The following KHDRBS2 variants were observed in gnomAD, a reference collection of about 807,000 sequenced individuals.
KHDRBS2 encodes the protein KH RNA binding domain containing, signal transduction associated 2, also known as KH domain-containing, RNA-binding, signal transduction-associated protein 2.
In KHDRBS2, 26 loss-of-function variants were observed where a neutral mutation model predicts 44.3. The observed-to-expected ratio is 0.59, with a 90% CI of 0.43 to 0.81. KHDRBS2 has a LOEUF of 0.81. Among genes scored for constraint, KHDRBS2 ranks in the 40% least tolerant of loss-of-function variants. KHDRBS2 has a pLI of 0.00. For missense variants in KHDRBS2, 476 were observed against 433.1 expected (o/e 1.10, Z -0.88); for synonymous variants, 194 against 151.1 (o/e 1.28, Z -2.08).
At chr6:62,064,065 A>G (rs1336909280) in intron 2 of KHDRBS2, among the ~76,000 whole-genome samples, 3 of 134,112 alleles carry the variant, frequency 2.2e-5, no homozygotes, top group Admixed American at 1.6e-4. Context: ...TAGGAATCCA[A>G]CTTACAAGGG....
chr6:61,944,020 T>C (rs1317183192), intron 4 of KHDRBS2, among the ~76,000 whole-genome samples: 1 of 152,096 alleles, frequency 6.6e-6, no homozygotes, highest in Admixed American at 6.6e-5. Context: ...AACCCACGAA[T>C]GCTGGTGAGG....
the KHDRBS2 span, among the ~76,000 whole-genome samples, chr6:61,593,365 T>C: frequency 1.3e-5 from 2 of 152,050 alleles, no homozygotes; most frequent in African/African-American, 4.8e-5. Flanking sequence ...CACAGCCAGA[T>C]ACTGGAGGAA....
At chr6:61,598,475 G>A in the KHDRBS2 span, among the ~76,000 whole-genome samples, 11 of 152,264 alleles carry the variant, frequency 7.2e-5, no homozygotes, top group East Asian at 2.1e-3. Context: ...TCAGATGACT[G>A]TCTACTCACA....
the KHDRBS2 span, among the ~76,000 whole-genome samples, chr6:61,643,928 C>T: frequency 6.6e-6 from 1 of 152,138 alleles, no homozygotes; most frequent in Admixed American, 6.6e-5. Flanking sequence ...CTACCAATGA[C>T]ATTCTTCACA....
At chr6:62,120,022 G>A (rs545839289) in intron 2 of KHDRBS2, among the ~76,000 whole-genome samples, 2 of 152,254 alleles carry the variant, frequency 1.3e-5, no homozygotes, top group African/African-American at 4.8e-5. Flanking sequence ...GCATGGGAAT[G>A]GATATTAAGG....
chr6:61,867,397 G>A (rs545221350), intron 6 of KHDRBS2, among the ~76,000 whole-genome samples: 3 of 152,220 alleles, frequency 2.0e-5, no homozygotes, highest in Non-Finnish European at 2.9e-5. Context: ...ACAACATGTG[G>A]GAATTCAAGA....
chr6:62,070,959 G>A (rs1485905797), intron 2 of KHDRBS2, among the ~76,000 whole-genome samples: 1 of 152,176 alleles, frequency 6.6e-6, no homozygotes, highest in Non-Finnish European at 1.5e-5. Context: ...CCCACCAACA[G>A]TGTAAAAGTG....
chr6:62,095,145 T>G (rs753728109), intron 2 of KHDRBS2, among the ~76,000 whole-genome samples: 7 of 151,820 alleles, frequency 4.6e-5, no homozygotes, highest in Non-Finnish European at 8.9e-5. Context: ...CTGAAAATAT[T>G]CTATATGTTT....
intron 1 of KHDRBS2, among the ~76,000 whole-genome samples, chr6:62,234,644 T>G (rs1434453385): frequency 6.6e-6 from 1 of 152,062 alleles, no homozygotes; most frequent in African/African-American, 2.4e-5. Flanking sequence ...TGAGCAAGTT[T>G]GAGAGAATAG....
chr6:61,993,668 TATATA>T (rs1776584440), intron 3 of KHDRBS2, among the ~76,000 whole-genome samples: 2 of 122,668 alleles, frequency 1.6e-5, no homozygotes, highest in African/African-American at 5.8e-5. Context: ...TATATATATA[TATATA>T]TTTTTTTTTT....
the KHDRBS2 span, among the ~76,000 whole-genome samples, chr6:61,647,087 G>A: frequency 6.6e-6 from 1 of 151,732 alleles, no homozygotes; most frequent in Non-Finnish European, 1.5e-5. Flanking sequence ...CCAAAGTGCT[G>A]GGATGACAGG....
chr6:62,277,570 C>T (rs909307270), intron 1 of KHDRBS2, among the ~76,000 whole-genome samples: 1 of 152,058 alleles, frequency 6.6e-6, no homozygotes, highest in Non-Finnish European at 1.5e-5. Flanking sequence ...CCTCGATCTC[C>T]TGACCTTGTG....
chr6:61,696,150 G>T (rs1767875022), intron 8 of KHDRBS2, among the ~76,000 whole-genome samples: 3 of 151,174 alleles, frequency 2.0e-5, no homozygotes, highest in Admixed American at 1.3e-4. Flanking sequence ...AAGCAGCCTT[G>T]GTATTATTTT....
intron 1 of KHDRBS2, among the ~76,000 whole-genome samples, chr6:62,238,931 A>G (rs1242963558): frequency 6.6e-6 from 1 of 152,226 alleles, no homozygotes; most frequent in Non-Finnish European, 1.5e-5. Flanking sequence ...CCTGGATCTA[A>G]TAATGAGAAA....
intron 6 of KHDRBS2, among the ~76,000 whole-genome samples, chr6:61,768,081 C>G (rs1416191266): frequency 6.6e-6 from 1 of 152,168 alleles, no homozygotes; most frequent in South Asian, 2.1e-4. Context: ...ATTTTTCCTT[C>G]TTGTTTGAAG....
intron 6 of KHDRBS2, among the ~76,000 whole-genome samples, chr6:61,808,704 C>T (rs755151653): frequency 7.2e-5 from 11 of 151,938 alleles, no homozygotes; most frequent in Non-Finnish European, 1.6e-4. Flanking sequence ...TCAATGACTG[C>T]AATTGTAACT....
intron 6 of KHDRBS2, among the ~76,000 whole-genome samples, chr6:61,750,512 G>A (rs1777506905): frequency 6.6e-6 from 1 of 152,040 alleles, no homozygotes; most frequent in Non-Finnish European, 1.5e-5. Flanking sequence ...CATTATGTCT[G>A]GATTCTTATG....
Position 61,848,932 on chromosome 6 carries a change from G to C in KHDRBS2, c.810+45703C>G, listed in dbSNP as rs144601939. Among the ~76,000 whole-genome samples the C allele has an allele frequency of 6.0e-3, 915 of 151,762 alleles. 5 individuals carry two copies. Among genetic ancestry groups the C allele is most frequent in the Middle Eastern group, 0.01 (3 of 294 alleles). On this transcript the variant is annotated intron_variant, in intron 6 of 8. Coordinates refer to ENST00000281156, the MANE Select transcript of KHDRBS2 (RefSeq NM_152688.4). ...ACATAAACTTGAATTTAAGCATTTCGTTGCCGGAAAAATTATCCAAATCTT... is the reference window on the plus strand; with the variant it reads ...ACATAAACTTGAATTTAAGCATTTCCTTGCCGGAAAAATTATCCAAATCTT...
intron 2 of KHDRBS2, among the ~76,000 whole-genome samples, chr6:62,159,024 G>T: frequency 6.6e-6 from 1 of 151,994 alleles, no homozygotes; most frequent in South Asian, 2.1e-4. Context: ...CCATGTGACC[G>T]TCATACAGAT....
Sources: gnomAD v4.1 joint callset for allele counts (sites outside exome capture counted in the v4.1 genomes callset) on GRCh38, gnomAD v4.1.1 for gene constraint, MANE v1.5 for transcripts, NCBI Gene and HGNC (gene_info 2026-07-23, HGNC 2026-07-21) for gene names.